The following ATF2 variants were observed in gnomAD, a reference collection of about 807,000 sequenced individuals.
ATF2 encodes activating transcription factor 2, also known as cyclic AMP-dependent transcription factor ATF-2.
Under a neutral mutation model 60.6 loss-of-function variants are expected in ATF2, and 24 were observed. That is an observed-to-expected ratio of 0.40 (90% CI 0.29 to 0.56). The LOEUF (loss-of-function observed/expected upper bound fraction) is 0.56, where lower values mean the gene tolerates loss of function less well. Among genes scored for constraint, ATF2 ranks in the 20% least tolerant of loss-of-function variants. ATF2 has a pLI of 0.54. For synonymous variants in ATF2, 206 were observed against 215.4 expected, an observed-to-expected ratio of 0.96 and a Z score of 0.38; for missense variants, 433 against 607.7, an observed-to-expected ratio of 0.71 and a Z score of 3.02.
intron 9 of ATF2, among the ~76,000 whole-genome samples, chr2:175,112,492 T>A (rs879936994): frequency 6.6e-6 from 1 of 152,216 alleles, no homozygotes; most frequent in African/African-American, 2.4e-5. Flanking sequence ...AAAAAAGATA[T>A]AAATATCAAA....
At position 175,111,626 on chromosome 2, in the gene ATF2, C is replaced by G; in HGVS notation, c.770G>C (p.Ser257Thr). 6.2e-7 allele frequency: 1 copy of G among 1,613,870 alleles called. No homozygotes were observed. Among genetic ancestry groups the G allele is most frequent in the Non-Finnish European group, 8.5e-7 (1 of 1,179,884 alleles). The change falls in exon 10 of 14, where the codon AGT (serine) becomes ACT (threonine). Residue 257 changes from serine (S) to threonine (T), a missense_variant. Physicochemically the swap from Ser to Thr is moderately conservative, Grantham distance 58. Around this residue, in one of 5 missense-constraint regions of ATF2, gnomAD observed 246 missense variants for 309.3 expected, o/e 0.80. Coordinates refer to ENST00000264110, the MANE Select transcript of ATF2 (RefSeq NM_001880.4). ...GGAAGGACCTGGGATTCCTGGAACA[C>G]TAGGCACCATGGTGACTGGTCGAAC... The part of the protein sequence containing the change: ...PLVRPVTMVP[S>T]VPGIPGPSSP...
At position 175,098,605 on chromosome 2, in the gene ATF2, A is replaced by G. The variant is rs13404065; in HGVS notation, c.829-1012T>C. ...GTTGCAGCCTACCCAGTGCTTCCCAAACTTCTTAGAAATACATAACTGTCT... is the reference window on the plus strand; with the variant it reads ...GTTGCAGCCTACCCAGTGCTTCCCAGACTTCTTAGAAATACATAACTGTCT... On this transcript the variant is annotated intron_variant, in intron 10 of 13. Transcript: ENST00000264110. Among the ~76,000 whole-genome samples, 271 of 152,292 alleles carry G rather than the reference A, an allele frequency of 1.8e-3. 2 individuals are homozygous for G. The highest frequency in any genetic ancestry group is 5.8e-3 in the African/African-American group (242 of 41,554).
chr2:175,076,312 AG>A (rs1472554810), intron 13 of ATF2, among the ~76,000 whole-genome samples: 1 of 152,078 alleles, frequency 6.6e-6, no homozygotes, highest in East Asian at 1.9e-4. Context: ...CCATACCCCT[AG>A]ATACTTGACC....
chr2:175,082,156 G>C (rs1055209393), intron 12 of ATF2, among the ~76,000 whole-genome samples: 2 of 152,080 alleles, frequency 1.3e-5, no homozygotes, highest in Non-Finnish European at 2.9e-5. Context: ...CAATCTAAAG[G>C]CAAGTCTATT....
In ATF2 at chr2:175,114,686, T is replaced by C. The variant is rs1696428937; in HGVS notation, c.626+4A>G. ...ATGTTCAATGATTGGCCTGAATCAC[T>C]TACACAATTGGCCTGTTAGAGGATG... On this transcript the variant is annotated splice_donor_region_variant and intron_variant, in intron 8 of 13. Transcript: ENST00000264110. 1 of 1,611,504 alleles carries C rather than the reference T, an allele frequency of 6.2e-7. No homozygotes were observed. Among genetic ancestry groups the C allele is most frequent in the Non-Finnish European group, 8.5e-7 (1 of 1,178,176 alleles).
intron 1 of ATF2, among the ~76,000 whole-genome samples, chr2:175,166,367 T>C (rs1248786432): frequency 6.6e-6 from 1 of 152,234 alleles, no homozygotes; most frequent in African/African-American, 2.4e-5. Context: ...CACGGTAAAT[T>C]TGGAAGATTC....
intron 12 of ATF2, 152 bp downstream of exon 12, chr2:175,092,909 A>T (rs868203626): frequency 3.2e-5 from 25 of 786,212 alleles, no homozygotes; most frequent in Middle Eastern, 3.4e-4. Context: ...GCATCCAAAC[A>T]AACAGGTTTA....
intron 2 of ATF2, among the ~76,000 whole-genome samples, chr2:175,143,333 A>G (rs1208421333): frequency 4.6e-5 from 7 of 152,168 alleles, no homozygotes. Flanking sequence ...TTCCTCTAAA[A>G]TGCAATTATC....
chr2:175,108,524 C>G, intron 10 of ATF2, among the ~76,000 whole-genome samples: 1 of 150,984 alleles, frequency 6.6e-6, no homozygotes, highest in Non-Finnish European at 1.5e-5. Context: ...GGTCAGCCCC[C>G]GCCCGGCCAG....
At chr2:175,082,806 T>A (rs1394985639) in intron 12 of ATF2, among the ~76,000 whole-genome samples, 1 of 152,210 alleles carries the variant, frequency 6.6e-6, no homozygotes, top group Non-Finnish European at 1.5e-5. Context: ...ATACATACCG[T>A]TGTCTTTATC....
chr2:175,099,816 T>C (rs1327996724), intron 10 of ATF2, among the ~76,000 whole-genome samples: 2 of 152,218 alleles, frequency 1.3e-5, no homozygotes, highest in Non-Finnish European at 2.9e-5. Flanking sequence ...TAATTTCAAG[T>C]GCAAAATATT....
intron 12 of ATF2, among the ~76,000 whole-genome samples, chr2:175,087,561 T>A (rs1032839191): frequency 6.6e-6 from 1 of 152,166 alleles, no homozygotes; most frequent in Admixed American, 6.5e-5. Context: ...GCCATGAATA[T>A]CAGGTATTCC....
chr2:175,077,726 T>A (rs544316750), intron 13 of ATF2, among the ~76,000 whole-genome samples: 1 of 151,188 alleles, frequency 6.6e-6, no homozygotes, highest in South Asian at 2.1e-4. Context: ...GTACAAAGAA[T>A]CAGGTACTCA....
chr2:175,136,339 G>C, intron 3 of ATF2, 73 bp downstream of exon 3: 1 of 1,412,628 alleles, frequency 7.1e-7, no homozygotes, highest in Non-Finnish European at 1.0e-6. Flanking sequence ...TTACCTAATA[G>C]AAACAAGCTA....
At chr2:175,102,958 C>T in intron 10 of ATF2, among the ~76,000 whole-genome samples, 1 of 152,124 alleles carries the variant, frequency 6.6e-6, no homozygotes, top group East Asian at 1.9e-4. Flanking sequence ...ACTGAAAACT[C>T]TTTTTCTTAG....
chr2:175,156,926 G>A (rs967795685), intron 1 of ATF2, among the ~76,000 whole-genome samples: 1 of 152,200 alleles, frequency 6.6e-6, no homozygotes, highest in African/African-American at 2.4e-5. Flanking sequence ...GTACCAGGAA[G>A]ATGGACTTGT....
At chr2:175,148,858 A>C (rs1194044643) in intron 2 of ATF2, among the ~76,000 whole-genome samples, 1 of 151,980 alleles carries the variant, frequency 6.6e-6, no homozygotes, top group Non-Finnish European at 1.5e-5. Flanking sequence ...CCACCCCCCA[A>C]ACTTCCAGTT....
intron 2 of ATF2, among the ~76,000 whole-genome samples, chr2:175,144,964 T>C (rs915285465): frequency 2.0e-5 from 3 of 152,174 alleles, no homozygotes; most frequent in Non-Finnish European, 2.9e-5. Flanking sequence ...AGTAAACATA[T>C]CAAGGATGTG....
intron 1 of ATF2, chr2:175,167,573 C>G: frequency 2.1e-6 from 1 of 471,244 alleles, no homozygotes; most frequent in Non-Finnish European, 4.4e-6. Context: ...ACACGGTCCT[C>G]AATCGCTTGA....
Sources: allele counts gnomAD v4.1 joint callset (sites outside exome capture counted in the v4.1 genomes callset), GRCh38; gene constraint gnomAD v4.1.1; regional missense constraint gnomAD v4.1.1; transcripts MANE v1.5; gene names NCBI Gene and HGNC (gene_info 2026-07-23, HGNC 2026-07-21).